PRELID2: variants seen among roughly 807,000 people sequenced by gnomAD.
PRELID2 encodes PRELI domain containing 2, also known as PRELI domain-containing protein 2.
PRELID2 carries 25 observed loss-of-function variants against 28.4 expected under a neutral mutation model. The ratio of observed to expected loss-of-function variants is 0.88; its 90% CI spans 0.64 to 1.23. The LOEUF is 1.23. Ranked by LOEUF, PRELID2 falls within the 50% of genes most tolerant of loss-of-function variation. PRELID2 has a pLI of 0.00. For synonymous variants in PRELID2, 76 were observed against 71.6 expected (o/e 1.06, Z -0.31); for missense variants, 201 against 214.4 (o/e 0.94, Z 0.39).
At chr5:145,794,466 G>A (rs1752600618) in intron 5 of PRELID2, among the ~76,000 whole-genome samples, 2 of 152,148 alleles carry the variant, frequency 1.3e-5, no homozygotes, top group Non-Finnish European at 2.9e-5. Flanking sequence ...ATTCATCTGA[G>A]GGCTGCACAG....
At chr5:145,457,844 G>T in the PRELID2 span, among the ~76,000 whole-genome samples, 1 of 152,190 alleles carries the variant, frequency 6.6e-6, no homozygotes, top group Admixed American at 6.5e-5. Flanking sequence ...TGTAAAAGCT[G>T]CAGTAGAAAC....
chr5:145,720,921 G>A (rs1462049206), intron 1 of PRELID2, among the ~76,000 whole-genome samples: 1 of 151,930 alleles, frequency 6.6e-6, no homozygotes, highest in Non-Finnish European at 1.5e-5. Flanking sequence ...ACCTCAGAAA[G>A]TTTTTGTTTA....
chr5:145,428,973 A>C, the PRELID2 span, among the ~76,000 whole-genome samples: 1 of 152,002 alleles, frequency 6.6e-6, no homozygotes, highest in African/African-American at 2.4e-5. Context: ...AGGAGTGCAA[A>C]GTGGGAATAG....
Position 145,835,316 on chromosome 5 carries a change from C to T in PRELID2, c.-65G>A, listed in dbSNP as rs1755873842. Reference sequence around the variant, plus strand: ...GCGAGCTCAGAGCTGCCCAGGGCTCCGCAGAGGCCCGGAGGCGCCCACACT... The same window carrying T: ...GCGAGCTCAGAGCTGCCCAGGGCTCTGCAGAGGCCCGGAGGCGCCCACACT... On this transcript the variant is annotated 5_prime_UTR_variant, in exon 1 of 7. Coordinates refer to ENST00000683046, the MANE Select transcript of PRELID2 (RefSeq NM_205846.3). 3 of 1,159,240 alleles carry T rather than the reference C, an allele frequency of 2.6e-6. No homozygotes were observed. The highest frequency in any genetic ancestry group is 3.7e-6 in the Non-Finnish European group (3 of 808,392). 71.8% of individuals were successfully genotyped at this position (1,159,240 alleles called of 1,614,324 possible).
intron 4 of PRELID2, among the ~76,000 whole-genome samples, chr5:145,810,783 C>T (rs1654787943): frequency 6.6e-6 from 1 of 152,106 alleles, no homozygotes; most frequent in African/African-American, 2.4e-5. Flanking sequence ...TTCATACAAC[C>T]ACCCTCTGGG....
At chr5:145,271,086 A>G in the PRELID2 span, among the ~76,000 whole-genome samples, 3 of 152,058 alleles carry the variant, frequency 2.0e-5, no homozygotes, top group African/African-American at 7.2e-5. Flanking sequence ...CTCACTCACT[A>G]TCACAAGAAC....
the PRELID2 span, among the ~76,000 whole-genome samples, chr5:145,240,357 T>G: frequency 6.6e-6 from 1 of 151,998 alleles, no homozygotes; most frequent in Admixed American, 6.6e-5. Flanking sequence ...ATTAACATTT[T>G]GTTTCTGTCT....
the PRELID2 span, among the ~76,000 whole-genome samples, chr5:145,388,514 G>A: frequency 6.6e-6 from 1 of 152,100 alleles, no homozygotes; most frequent in African/African-American, 2.4e-5. Flanking sequence ...TGTCTTTGAT[G>A]ATTCCTCCAG....
At chr5:145,529,980 A>C (rs1185566913) in intron 1 of PRELID2, among the ~76,000 whole-genome samples, 1 of 152,142 alleles carries the variant, frequency 6.6e-6, no homozygotes, top group East Asian at 1.9e-4. Context: ...TGCTTTATAC[A>C]ATGATCTGCT....
chr5:145,375,336 A>T, the PRELID2 span, among the ~76,000 whole-genome samples: 1 of 152,108 alleles, frequency 6.6e-6, no homozygotes, highest in Admixed American at 6.6e-5. Context: ...AATAGCAAAG[A>T]TGAGTGCCTA....
intron 1 of PRELID2, among the ~76,000 whole-genome samples, chr5:145,741,855 T>C (rs1361205998): frequency 6.2e-5 from 2 of 32,444 alleles, no homozygotes; most frequent in South Asian, 7.8e-4. Context: ...AAAACATTTT[T>C]ATAATTTAAT....
intron 1 of PRELID2, among the ~76,000 whole-genome samples, chr5:145,651,091 C>T (rs550243614): frequency 8.5e-5 from 13 of 152,320 alleles, no homozygotes; most frequent in Admixed American, 2.6e-4. Context: ...TATTAGCAAA[C>T]GGCACACCAG....
At chr5:145,606,301 C>A (rs1019422580) in intron 1 of PRELID2, among the ~76,000 whole-genome samples, 7 of 151,954 alleles carry the variant, frequency 4.6e-5, no homozygotes, top group African/African-American at 1.7e-4. Context: ...TTTCCAGTCC[C>A]ATGTTGAATA....
At chr5:145,302,817 T>G in the PRELID2 span, among the ~76,000 whole-genome samples, 18 of 152,148 alleles carry the variant, frequency 1.2e-4, no homozygotes, top group African/African-American at 4.3e-4. Flanking sequence ...TTCCTAGTAG[T>G]AACAGTAGTA....
At chr5:145,741,704 AT>A (rs1185422863) in intron 1 of PRELID2, among the ~76,000 whole-genome samples, 1 of 22,826 alleles carries the variant, frequency 4.4e-5, no homozygotes, top group Non-Finnish European at 1.7e-4. Context: ...TATATAAATA[AT>A]TTATTTATAT....
chr5:145,666,932 A>G (rs970419921), intron 1 of PRELID2, among the ~76,000 whole-genome samples: 4 of 152,092 alleles, frequency 2.6e-5, no homozygotes, highest in South Asian at 2.1e-4. Context: ...TACGTGACCA[A>G]TTTAAGATAT....
At chr5:145,280,656 A>G in the PRELID2 span, among the ~76,000 whole-genome samples, 1 of 151,776 alleles carries the variant, frequency 6.6e-6, no homozygotes, top group Admixed American at 6.6e-5. Context: ...TATAATAATA[A>G]TAAAATATAA....
At chr5:145,737,997 T>C (rs75420963) in intron 1 of PRELID2, among the ~76,000 whole-genome samples, 3,646 of 152,224 alleles carry the variant, frequency 0.024, 139 homozygotes, top group African/African-American at 0.083. Context: ...CCCAAACCCA[T>C]AGTGACAGTG....
At chr5:145,532,754 T>A (rs1483570611) in intron 1 of PRELID2, among the ~76,000 whole-genome samples, 1 of 152,126 alleles carries the variant, frequency 6.6e-6, no homozygotes, top group South Asian at 2.1e-4. Flanking sequence ...CTAAGCATAA[T>A]TTCCTCTGGG....
Sources: gnomAD v4.1 joint callset for allele counts (sites outside exome capture counted in the v4.1 genomes callset) on GRCh38, gnomAD v4.1.1 for gene constraint, MANE v1.5 for transcripts, NCBI Gene and HGNC (gene_info 2026-07-23, HGNC 2026-07-21) for gene names.